The following ZFHX3 variants were observed in gnomAD, a reference collection of about 807,000 sequenced individuals.
ZFHX3 encodes the protein zinc finger homeobox 3.
A neutral mutation model predicts 279.1 loss-of-function variants in ZFHX3; 42 were observed. The observed-to-expected ratio is 0.15, with a 90% CI of 0.12 to 0.19. ZFHX3 has a LOEUF of 0.19. Ranked by LOEUF, ZFHX3 falls within the 10% of genes least tolerant of loss-of-function variation. The probability of loss-of-function intolerance (pLI) is 1.00; values close to 1 mark genes in which losing one functional copy is unlikely to be tolerated. For missense variants in ZFHX3, 4,981 were observed against 4,754.0 expected, an observed-to-expected ratio of 1.05 and a Z score of -1.40; for synonymous variants, 2,293 against 1,957.8, an observed-to-expected ratio of 1.17 and a Z score of -4.52.
At chr16:73,758,497 A>C (rs574805091) in intron 1 of ZFHX3, among the ~76,000 whole-genome samples, 11 of 152,350 alleles carry the variant, frequency 7.2e-5, no homozygotes, top group African/African-American at 2.4e-4. Context: ...AGGGTGGCTC[A>C]TAAGTACAGC....
chr16:73,747,834 A>G (rs2053718193), intron 1 of ZFHX3, among the ~76,000 whole-genome samples: 1 of 152,214 alleles, frequency 6.6e-6, no homozygotes. Context: ...TTCAAGTGTT[A>G]TTAAATGATG....
chr16:73,610,117 G>A (rs1040222446), intron 2 of ZFHX3: 2 of 152,020 alleles, frequency 1.3e-5, no homozygotes, highest in Admixed American at 1.3e-4. Context: ...AAAACAGAAA[G>A]CAGGATTTTA....
chr16:73,383,004 G>A (rs749296297), intron 3 of ZFHX3, among the ~76,000 whole-genome samples: 5 of 152,174 alleles, frequency 3.3e-5, no homozygotes, highest in Non-Finnish European at 5.9e-5. Flanking sequence ...CAGGAGACAG[G>A]GGATGAAACT....
intron 1 of ZFHX3, among the ~76,000 whole-genome samples, chr16:73,832,755 T>G (rs1030956138): frequency 3.3e-5 from 5 of 152,188 alleles, no homozygotes; most frequent in Admixed American, 2.0e-4. Flanking sequence ...TTTTCTTTAC[T>G]ATTTGCTCAC....
At chr16:73,426,316 A>G (rs901132891) in intron 3 of ZFHX3, among the ~76,000 whole-genome samples, 26 of 152,308 alleles carry the variant, frequency 1.7e-4, no homozygotes, top group African/African-American at 5.3e-4. Flanking sequence ...CAAACTAGAG[A>G]GACAAAAAGG....
chr16:73,817,679 C>G (rs999125524), intron 1 of ZFHX3, among the ~76,000 whole-genome samples: 1 of 152,224 alleles, frequency 6.6e-6, no homozygotes, highest in Non-Finnish European at 1.5e-5. Context: ...AGGCTCTCCT[C>G]CTCCCTGGAG....
At chr16:73,445,289 T>TAC (rs1449310732) in intron 3 of ZFHX3, among the ~76,000 whole-genome samples, 1 of 97,606 alleles carries the variant, frequency 1.0e-5, no homozygotes, top group Non-Finnish European at 2.4e-5. Flanking sequence ...TGTGTATATA[T>TAC]ATATGTATAT....
chr16:72,845,534 T>C (rs979804251), intron 4 of ZFHX3, among the ~76,000 whole-genome samples: 1 of 152,046 alleles, frequency 6.6e-6, no homozygotes, highest in Non-Finnish European at 1.5e-5. Flanking sequence ...CTCACATCAC[T>C]GCCCCACGCC....
At chr16:73,633,986 C>T (rs966192629) in intron 2 of ZFHX3, among the ~76,000 whole-genome samples, 3 of 151,468 alleles carry the variant, frequency 2.0e-5, no homozygotes, top group South Asian at 4.2e-4. Context: ...AAATGTACAA[C>T]AAAAGAGGAA....
intron 2 of ZFHX3, among the ~76,000 whole-genome samples, chr16:73,490,439 A>T (rs2019040428): frequency 6.6e-6 from 1 of 152,266 alleles, no homozygotes; most frequent in Admixed American, 6.5e-5. Flanking sequence ...TGTGGAAATT[A>T]GTTTCAAGGT....
intron 3 of ZFHX3, among the ~76,000 whole-genome samples, chr16:73,443,753 C>T (rs1263685759): frequency 6.6e-6 from 1 of 151,888 alleles, no homozygotes; most frequent in East Asian, 1.9e-4. Flanking sequence ...TAAGTTACTC[C>T]TTGGCTTTTT....
At chr16:73,835,248 C>G (rs1402355338) in intron 1 of ZFHX3, among the ~76,000 whole-genome samples, 1 of 152,040 alleles carries the variant, frequency 6.6e-6, no homozygotes, top group African/African-American at 2.4e-5. Context: ...TCTAAGAGAC[C>G]TAGGATGGAA....
intron 1 of ZFHX3, among the ~76,000 whole-genome samples, chr16:73,879,284 GAAAAA>G (rs74436279): frequency 2.8e-5 from 3 of 107,770 alleles, no homozygotes; most frequent in Admixed American, 9.7e-5. Context: ...AGCAGGTGGA[GAAAAA>G]AAAAAAAAAA....
chr16:73,247,189 T>C (rs995962059), intron 5 of ZFHX3, among the ~76,000 whole-genome samples: 1 of 151,826 alleles, frequency 6.6e-6, no homozygotes, highest in Non-Finnish European at 1.5e-5. Context: ...GTATGTGGAA[T>C]ACATGTGTGT....
chr16:73,856,556 AT>A (rs1338924976), intron 1 of ZFHX3, among the ~76,000 whole-genome samples: 4 of 152,136 alleles, frequency 2.6e-5, no homozygotes, highest in African/African-American at 9.7e-5. Context: ...TTTAAAACAT[AT>A]TTTCTCTTCC....
At chr16:73,204,383 G>A (rs751332573) in intron 5 of ZFHX3, among the ~76,000 whole-genome samples, 14 of 151,958 alleles carry the variant, frequency 9.2e-5, no homozygotes, top group African/African-American at 1.9e-4. Context: ...TGCAACTAGC[G>A]GGTAATGGGA....
Position 72,793,814 on chromosome 16 carries a change from C to T in ZFHX3, c.8868G>A (p.Leu2956=). 6.2e-7 allele frequency: 1 copy of T among 1,614,170 alleles called. No individual in the cohort carries two copies. Among genetic ancestry groups the T allele is most frequent in the Non-Finnish European group, 8.5e-7 (1 of 1,180,038 alleles). Residue 2956 remains leucine (L), a synonymous_variant, in exon 9 of 10, where the codon CTG becomes CTA. Transcript: ENST00000268489. The surrounding 1 kb of genome is among the most constrained non-coding windows in gnomAD (Gnocchi z 4.3). ...AGCATGACTTGAGGACCTTCAGCTG[C>T]AGATTGGTCATTTGAGTGCGAAAAC... ...QKRFRTQMTN[L]QLKVLKSCFN...
At chr16:72,897,453 T>G (rs1480728269) in intron 3 of ZFHX3, among the ~76,000 whole-genome samples, 2 of 152,158 alleles carry the variant, frequency 1.3e-5, no homozygotes, top group Non-Finnish European at 2.9e-5. Context: ...TTTTCTTTTT[T>G]GTCTGAGAAA....
chr16:73,288,202 T>G, intron 4 of ZFHX3, among the ~76,000 whole-genome samples: 2 of 150,516 alleles, frequency 1.3e-5, no homozygotes, highest in African/African-American at 2.4e-5. Context: ...AAGGGGGACT[T>G]TGGGGGCTGG....
Sources: allele counts gnomAD v4.1 joint callset (sites outside exome capture counted in the v4.1 genomes callset), GRCh38; gene constraint gnomAD v4.1.1; non-coding constraint Gnocchi (gnomAD v3.1); transcripts MANE v1.5; gene names NCBI Gene and HGNC (gene_info 2026-07-23, HGNC 2026-07-21).